The following NEBL variants were observed in gnomAD, a reference collection of about 807,000 sequenced individuals.
NEBL encodes LIM and SH3 protein 2.
A neutral mutation model predicts 140.2 loss-of-function variants in NEBL; 122 were observed. The observed-to-expected ratio is 0.87, with a 90% CI of 0.75 to 1.01. The LOEUF (loss-of-function observed/expected upper bound fraction) is 1.01. Among genes scored for constraint, NEBL ranks in the 50% least tolerant of loss-of-function variants. The pLI is 0.00. For missense variants in NEBL, 1,365 were observed against 1,231.3 expected (o/e 1.11, Z -1.62); for synonymous variants, 436 against 398.9 (o/e 1.09, Z -1.11).
rs1472007828 is a variant in NEBL at position 21,257,688 on chromosome 10, A to T, written n.183-5860T>A. 5.3e-5 allele frequency among the ~76,000 whole-genome samples: 8 copies of T among 152,104 alleles called. No individual in the cohort carries two copies. The East Asian group carries it at 1.5e-3, about 29-fold the overall frequency. On this transcript the variant is annotated intron_variant and non_coding_transcript_variant, in intron 1 of 8. Coordinates refer to the NEBL transcript ENST00000675702. ...ATCACAAGGTCAGGAGATCGAGACCATCCTGGCTAACACAGTGAAACCCCA... is the reference window on the plus strand; with the variant it reads ...ATCACAAGGTCAGGAGATCGAGACCTTCCTGGCTAACACAGTGAAACCCCA...
chr10:20,978,440 A>AAC (rs1162271496), intron 3 of NEBL, among the ~76,000 whole-genome samples: 3 of 152,128 alleles, frequency 2.0e-5, no homozygotes, highest in African/African-American at 4.8e-5. Flanking sequence ...CAAAAAAAAA[A>AAC]ACGAGTTATT....
chr10:21,061,364 T>TTA (rs1835290582), intron 2 of NEBL, among the ~76,000 whole-genome samples: 5 of 89,198 alleles, frequency 5.6e-5, no homozygotes, highest in South Asian at 3.2e-4. Context: ...AATATATGGG[T>TTA]CAGATTTATG....
intron 12 of NEBL, among the ~76,000 whole-genome samples, chr10:20,844,876 T>C (rs1275218174): frequency 1.3e-5 from 2 of 152,086 alleles, no homozygotes; most frequent in African/African-American, 2.4e-5. Context: ...AAGTTGGTTC[T>C]AAAATGTTTT....
rs575976579 is a variant in NEBL at position 20,846,827 on chromosome 10, A to C, written c.1117-1459T>G. On this transcript the variant is annotated intron_variant, in intron 11 of 27. Coordinates refer to ENST00000377122, the MANE Select transcript of NEBL (RefSeq NM_006393.3). ...ATTAAGGGAGGTTAATTACGACTAGAAGTAGCCAAAATATATAGCTAGAAA... is the reference window on the plus strand; with the variant it reads ...ATTAAGGGAGGTTAATTACGACTAGCAGTAGCCAAAATATATAGCTAGAAA... Among the ~76,000 whole-genome samples, 9 of 152,284 alleles carry C rather than the reference A, an allele frequency of 5.9e-5. No individual in the cohort carries two copies. The South Asian group carries it at 1.7e-3, about 28-fold the overall frequency.
chr10:21,125,844 C>A (rs750764863), intron 2 of NEBL: 1 of 1,611,060 alleles, frequency 6.2e-7, no homozygotes, highest in Non-Finnish European at 8.5e-7. Context: ...TCATTTTCAG[C>A]ACCTTCTTAG....
chr10:21,254,170 T>A (rs777658021), intron 1 of NEBL, among the ~76,000 whole-genome samples: 46 of 152,256 alleles, frequency 3.0e-4, no homozygotes, highest in Non-Finnish European at 5.0e-4. Flanking sequence ...CAGGGTCTTG[T>A]TCTGTTGCCC....
At chr10:21,022,720 C>T (rs922455443) in intron 2 of NEBL, among the ~76,000 whole-genome samples, 17 of 152,264 alleles carry the variant, frequency 1.1e-4, no homozygotes, top group African/African-American at 4.1e-4. Context: ...ACAAAGAAGT[C>T]ATGCTTTTGA....
chr10:20,789,868 C>G (rs7097419), intron 26 of NEBL, among the ~76,000 whole-genome samples: 1 of 146,070 alleles, frequency 6.8e-6, no homozygotes, highest in Admixed American at 6.9e-5. Context: ...TATATATATA[C>G]ATACACATAC....
At chr10:20,992,922 C>T (rs375893063) in intron 3 of NEBL, among the ~76,000 whole-genome samples, 3 of 151,470 alleles carry the variant, frequency 2.0e-5, no homozygotes, top group African/African-American at 7.3e-5. Flanking sequence ...GGACTACAGG[C>T]GCCCGCCACC....
At chr10:21,106,903 T>C (rs918856650) in intron 2 of NEBL, among the ~76,000 whole-genome samples, 9 of 152,166 alleles carry the variant, frequency 5.9e-5, no homozygotes, top group African/African-American at 2.2e-4. Flanking sequence ...GTCCTTCACA[T>C]CCCTTGTAAG....
intron 19 of NEBL, among the ~76,000 whole-genome samples, chr10:20,821,896 G>A (rs780379478): frequency 2.0e-5 from 3 of 152,008 alleles, no homozygotes; most frequent in Non-Finnish European, 4.4e-5. Flanking sequence ...GAACATATTT[G>A]GTTTGCTCTG....
intron 4 of NEBL, among the ~76,000 whole-genome samples, chr10:20,933,629 G>A (rs1030404163): frequency 1.3e-5 from 2 of 152,216 alleles, no homozygotes; most frequent in African/African-American, 2.4e-5. Context: ...AGCTACCTGG[G>A]AGGCTGAGGC....
chr10:21,065,441 TATATG>T (rs1315076713), intron 2 of NEBL, among the ~76,000 whole-genome samples: 1 of 152,220 alleles, frequency 6.6e-6, no homozygotes, highest in African/African-American at 2.4e-5. Flanking sequence ...AAACAGGGAA[TATATG>T]ATAGTTTTTC....
intron 1 of NEBL, among the ~76,000 whole-genome samples, chr10:21,260,131 T>C (rs1842719979): frequency 6.6e-6 from 1 of 152,248 alleles, no homozygotes; most frequent in Admixed American, 6.5e-5. Flanking sequence ...TTGCATTGGG[T>C]TATGCTGAAA....
intron 2 of NEBL, among the ~76,000 whole-genome samples, chr10:21,087,978 T>C (rs1270577985): frequency 6.6e-6 from 1 of 152,200 alleles, no homozygotes; most frequent in East Asian, 1.9e-4. Flanking sequence ...CACTACTTTA[T>C]GGAGATATTA....
At chr10:21,088,554 G>T (rs753912385) in intron 2 of NEBL, among the ~76,000 whole-genome samples, 7 of 152,146 alleles carry the variant, frequency 4.6e-5, no homozygotes, top group Non-Finnish European at 1.0e-4. Flanking sequence ...AATGGCCAAA[G>T]CATGTCCTAT....
At chr10:21,002,840 A>G (rs1314496656) in intron 3 of NEBL, among the ~76,000 whole-genome samples, 1 of 152,084 alleles carries the variant, frequency 6.6e-6, no homozygotes, top group Non-Finnish European at 1.5e-5. Flanking sequence ...TGGAGATTAC[A>G]ATTCCACAAG....
intron 2 of NEBL, among the ~76,000 whole-genome samples, chr10:21,065,980 G>A (rs886634041): frequency 1.3e-5 from 2 of 152,202 alleles, no homozygotes; most frequent in African/African-American, 4.8e-5. Flanking sequence ...CGTGTTAGCT[G>A]TCCTCTCTTT....
rs151066030 is a variant in NEBL, at chr10:21,239,872, C to T, written n.348+8049G>A. 9.7e-3 allele frequency among the ~76,000 whole-genome samples: 1,480 copies of T among 151,956 alleles called. 25 individuals are homozygous for T. The highest frequency in any genetic ancestry group is 0.034 in the African/African-American group (1,421 of 41,464). ...TCTACTAAAAATACAAAAAATTAGC[C>T]GGGCATCGTGGCGGTCACCTGTAGT... is the stretch of plus-strand genomic sequence containing the variant. On this transcript the variant is annotated intron_variant and non_coding_transcript_variant, in intron 3 of 8. Coordinates refer to the NEBL transcript ENST00000675702.
Sources: gnomAD v4.1 joint callset for allele counts (sites outside exome capture counted in the v4.1 genomes callset) on GRCh38, gnomAD v4.1.1 for gene constraint, MANE v1.5 for transcripts, NCBI Gene and HGNC (gene_info 2026-07-23, HGNC 2026-07-21) for gene names.